The following SLC10A7 variants were observed in gnomAD, a reference collection of about 807,000 sequenced individuals.
SLC10A7 encodes solute carrier family 10 member 7.
SLC10A7 carries 29 observed loss-of-function variants against 43.2 expected under a neutral mutation model. The observed-to-expected ratio is 0.67, with a 90% CI of 0.50 to 0.92. SLC10A7 has a LOEUF of 0.92. SLC10A7 is among the 40% of genes least tolerant of loss of function. The pLI is 0.00. For missense variants in SLC10A7, 295 were observed against 403.2 expected (o/e 0.73, Z 2.30); for synonymous variants, 152 against 144.8 (o/e 1.05, Z -0.35).
intron 5 of SLC10A7, among the ~76,000 whole-genome samples, chr4:146,380,494 C>T (rs1236386289): frequency 6.6e-6 from 1 of 152,086 alleles, no homozygotes; most frequent in Non-Finnish European, 1.5e-5. Context: ...AGAGATCTTG[C>T]CAACATACCT....
chr4:146,465,178 G>A (rs1412638837), intron 4 of SLC10A7, among the ~76,000 whole-genome samples: 11 of 152,076 alleles, frequency 7.2e-5, no homozygotes, highest in Admixed American at 5.9e-4. Flanking sequence ...CTCCAGAAAT[G>A]TGCACATCAT....
intron 5 of SLC10A7, among the ~76,000 whole-genome samples, chr4:146,342,600 T>G (rs1553959280): frequency 6.6e-6 from 1 of 151,652 alleles, no homozygotes; most frequent in Non-Finnish European, 1.5e-5. Flanking sequence ...TTATTAAAAT[T>G]TACAATCATC....
rs1348502548 is a variant in SLC10A7 at position 146,292,940 on chromosome 4, G to C, written c.762C>G (p.Ile254Met). 6.3e-7 allele frequency: 1 copy of C among 1,590,348 alleles called. No individual in the cohort carries two copies. The change falls in exon 9 of 12, where the codon ATC becomes ATG. Residue 254 changes from isoleucine (I) to methionine (M), a missense_variant. Coordinates refer to ENST00000335472, the MANE Select transcript of SLC10A7 (RefSeq NM_001029998.6). ...IQLSFMLLTF[I>M]FSTRNNSGFT... ...ACCAAATCACTTACCTTGTTGAAAA[G>C]ATGAAAGTTAAAAGCATAAAACTCA...
chr4:146,382,059 A>C (rs1011097593), intron 5 of SLC10A7, among the ~76,000 whole-genome samples: 3 of 149,720 alleles, frequency 2.0e-5, no homozygotes, highest in African/African-American at 7.5e-5. Flanking sequence ...GGATAAGAGA[A>C]AAAAAAAAAT....
At chr4:146,463,308 A>T (rs1359133636) in intron 4 of SLC10A7, among the ~76,000 whole-genome samples, 1 of 152,178 alleles carries the variant, frequency 6.6e-6, no homozygotes, top group African/African-American at 2.4e-5. Context: ...ACACTAAATG[A>T]GCAACGAATA....
At chr4:146,465,278 G>C (rs965437105) in intron 4 of SLC10A7, among the ~76,000 whole-genome samples, 4 of 152,044 alleles carry the variant, frequency 2.6e-5, no homozygotes, top group Non-Finnish European at 5.9e-5. Flanking sequence ...TTACTTAACA[G>C]TAAGAATATA....
chr4:146,294,307 G>C (rs979298342), intron 7 of SLC10A7, among the ~76,000 whole-genome samples: 2 of 152,206 alleles, frequency 1.3e-5, no homozygotes, highest in South Asian at 2.1e-4. Context: ...TCCATAATGA[G>C]AGTATATTTT....
At chr4:146,350,443 C>G (rs1165795831) in intron 5 of SLC10A7, among the ~76,000 whole-genome samples, 1 of 141,200 alleles carries the variant, frequency 7.1e-6, no homozygotes, top group Non-Finnish European at 1.5e-5. Context: ...AAGGCGGCAG[C>G]GAGGCTGGGG....
rs1734230715 is a variant in SLC10A7, at chr4:146,341,033, G to T, written c.436-15037C>A. On this transcript the variant is annotated intron_variant, in intron 5 of 11. Coordinates refer to ENST00000335472, the MANE Select transcript of SLC10A7 (RefSeq NM_001029998.6). ...GCACAGCACATTAGTATGAATCACTGCATGTTTAAAATAAAACAATATAAC... is the reference window on the plus strand; with the variant it reads ...GCACAGCACATTAGTATGAATCACTTCATGTTTAAAATAAAACAATATAAC... 4.6e-5 allele frequency among the ~76,000 whole-genome samples: 7 copies of T among 151,900 alleles called. No homozygotes were observed. In the South Asian group the frequency reaches 1.2e-3, roughly 27 times the overall value.
At chr4:146,358,385 G>A (rs1364995456) in intron 5 of SLC10A7, among the ~76,000 whole-genome samples, 1 of 152,010 alleles carries the variant, frequency 6.6e-6, no homozygotes, top group Non-Finnish European at 1.5e-5. Context: ...ACTAGACTAG[G>A]CTTTTTTGTT....
intron 5 of SLC10A7, among the ~76,000 whole-genome samples, chr4:146,398,878 T>A (rs1739021187): frequency 6.6e-6 from 1 of 152,278 alleles, no homozygotes; most frequent in East Asian, 1.9e-4. Flanking sequence ...ATTCTACAGA[T>A]ATTTAGCACA....
rs1177240467 is a variant in SLC10A7 at position 146,443,423 on chromosome 4, G to A, written c.397-602C>T. Among the ~76,000 whole-genome samples the A allele has an allele frequency of 7.9e-5, 12 of 152,234 alleles. No homozygotes were observed. In the East Asian group the frequency reaches 2.1e-3, roughly 27 times the overall value. On this transcript the variant is annotated intron_variant, in intron 4 of 11. Coordinates refer to ENST00000335472, the MANE Select transcript of SLC10A7 (RefSeq NM_001029998.6). ...TCAAAGAAAAAATATTTGACTCTCT[G>A]CTTACCTAAATATCCATGGAATACA... is the stretch of plus-strand genomic sequence containing the variant.
intron 10 of SLC10A7, among the ~76,000 whole-genome samples, chr4:146,274,566 C>A (rs1729092230): frequency 6.6e-6 from 1 of 151,986 alleles, no homozygotes; most frequent in Non-Finnish European, 1.5e-5. Context: ...TGTTGTTTAA[C>A]CAGATTAATA....
intron 4 of SLC10A7, among the ~76,000 whole-genome samples, chr4:146,470,689 C>A (rs1733491707): frequency 6.6e-6 from 1 of 152,132 alleles, no homozygotes; most frequent in Non-Finnish European, 1.5e-5. Flanking sequence ...TTAAAGAAAT[C>A]ATGTGAATTC....
chr4:146,393,838 A>T (rs1020398020), intron 5 of SLC10A7, among the ~76,000 whole-genome samples: 7 of 152,236 alleles, frequency 4.6e-5, no homozygotes, highest in African/African-American at 1.7e-4. Flanking sequence ...GGGGAAGGGA[A>T]TATACAGGCA....
chr4:146,350,314 C>A (rs1315736646), intron 5 of SLC10A7, among the ~76,000 whole-genome samples: 1 of 151,704 alleles, frequency 6.6e-6, no homozygotes, highest in Non-Finnish European at 1.5e-5. Flanking sequence ...GAATATTGCG[C>A]TTTTCAGAAC....
rs753035167 is a variant in SLC10A7, at chr4:146,288,879, C to T, written c.773+4050G>A. On this transcript the variant is annotated intron_variant, in intron 9 of 11. Coordinates refer to ENST00000335472, the MANE Select transcript of SLC10A7 (RefSeq NM_001029998.6). ...GATATTTATTTCCTTTTCTTCCCAA[C>T]TGGTCTTTTTATTCTTTCTTACAAA... Among the ~76,000 whole-genome samples, 4 of 152,272 alleles carry T rather than the reference C, an allele frequency of 2.6e-5. No homozygotes were observed. The South Asian group carries it at 8.3e-4, about 32-fold the overall frequency.
At chr4:146,350,091 G>C (rs554574086) in intron 5 of SLC10A7, among the ~76,000 whole-genome samples, 2 of 150,998 alleles carry the variant, frequency 1.3e-5, no homozygotes, top group Admixed American at 6.6e-5. Context: ...CGCAGAAGAC[G>C]GGTGATTTCT....
chr4:146,326,073 A>C (rs1175636957), intron 5 of SLC10A7, 77 bp from the exon 6 acceptor site: 1 of 1,267,308 alleles, frequency 7.9e-7, no homozygotes, highest in Non-Finnish European at 1.1e-6. Context: ...TTAAACTCTG[A>C]GGCATAGGAG....
Sources: allele counts gnomAD v4.1 joint callset (sites outside exome capture counted in the v4.1 genomes callset), GRCh38; gene constraint gnomAD v4.1.1; transcripts MANE v1.5; gene names NCBI Gene and HGNC (gene_info 2026-07-23, HGNC 2026-07-21).